The following CHCHD4 variants were observed in gnomAD, a reference collection of about 807,000 sequenced individuals.
CHCHD4 encodes the protein mitochondrial intermembrane space import and assembly protein 40.
In CHCHD4, 7 loss-of-function variants were observed where a neutral mutation model predicts 12.4. The observed-to-expected ratio is 0.57, with a 90% CI of 0.32 to 1.06. The LOEUF is 1.06. Among genes scored for constraint, CHCHD4 ranks in the 50% least tolerant of loss-of-function variants. The probability of loss-of-function intolerance (pLI) is 0.04; values close to 1 mark genes in which losing one functional copy is unlikely to be tolerated. For missense variants in CHCHD4, 143 were observed against 175.1 expected (o/e 0.82, Z 1.03); for synonymous variants, 56 against 58.0 (o/e 0.97, Z 0.16).
intron 1 of CHCHD4, among the ~76,000 whole-genome samples, chr3:14,118,605 C>G (rs572294685): frequency 6.6e-5 from 10 of 152,352 alleles, no homozygotes; most frequent in African/African-American, 2.2e-4. Context: ...GCCAGGACCC[C>G]CAACCCACTG....
chr3:14,116,937 C>G (rs1694882750), intron 1 of CHCHD4, among the ~76,000 whole-genome samples: 1 of 152,224 alleles, frequency 6.6e-6, no homozygotes, highest in Admixed American at 6.5e-5. Flanking sequence ...GCCAGCACCC[C>G]CACTAGGCCT....
intron 1 of CHCHD4, among the ~76,000 whole-genome samples, chr3:14,122,880 C>T (rs1694951530): frequency 6.6e-6 from 1 of 152,116 alleles, no homozygotes; most frequent in African/African-American, 2.4e-5. Context: ...CAGGATATAC[C>T]AAACCAAGGG....
chr3:14,120,393 G>A (rs920691741), intron 1 of CHCHD4, among the ~76,000 whole-genome samples: 9 of 151,460 alleles, frequency 5.9e-5, no homozygotes, highest in Non-Finnish European at 1.3e-4. Context: ...CAGCCACGCT[G>A]GCCTCTGCTT....
chr3:14,117,936 A>G (rs1007219934), intron 1 of CHCHD4, among the ~76,000 whole-genome samples: 7 of 152,214 alleles, frequency 4.6e-5, no homozygotes, highest in African/African-American at 1.7e-4. Flanking sequence ...ATGACTGGGC[A>G]CTGCCTGAGA....
chr3:14,122,389 G>T (rs1276390350), intron 1 of CHCHD4, among the ~76,000 whole-genome samples: 5 of 152,238 alleles, frequency 3.3e-5, no homozygotes, highest in African/African-American at 4.8e-5. Context: ...GGCACATCAC[G>T]TGTGCTCTAT....
At position 14,124,691 on chromosome 3, in the gene CHCHD4, C is replaced by A; in HGVS notation, c.-15G>T. 6.5e-7 allele frequency: 1 copy of A among 1,528,288 alleles called. No homozygotes were observed. Among genetic ancestry groups the A allele is most frequent in the East Asian group, 2.6e-5 (1 of 37,812 alleles). 94.7% of individuals were successfully genotyped at this position (1,528,288 alleles called of 1,614,324 possible). ...CAATAGGACATGGCTGCAGCCCGTC[C>A]CTGAGACCTTGCAGAAGCGGCGGTG... On this transcript the variant is annotated 5_prime_UTR_variant, in exon 1 of 3. Coordinates refer to ENST00000396914, the MANE Select transcript of CHCHD4 (RefSeq NM_001098502.2).
intron 1 of CHCHD4, among the ~76,000 whole-genome samples, chr3:14,118,238 C>G (rs2124976716): frequency 6.6e-6 from 1 of 152,338 alleles, no homozygotes; most frequent in Middle Eastern, 3.4e-3. Flanking sequence ...GTGCATGGCT[C>G]TGAGTGAGTG....
At chr3:14,113,938 A>G (rs1013518353) in intron 2 of CHCHD4, among the ~76,000 whole-genome samples, 1 of 152,190 alleles carries the variant, frequency 6.6e-6, no homozygotes, top group African/African-American at 2.4e-5. Context: ...TTCACATCTA[A>G]ATAGTATTTC....
chr3:14,112,331 C>G lies in CHCHD4; in HGVS notation c.*556G>C, dbSNP rs968271345. The G allele has an allele frequency of 2.0e-5, 3 of 152,218 alleles. No homozygotes were observed. Among genetic ancestry groups the G allele is most frequent in the African/African-American group, 7.2e-5 (3 of 41,400 alleles). 9.4% of individuals were successfully genotyped at this position (152,218 alleles called of 1,614,324 possible). ...TCTTCATCATCCAAACACAGAAAAC[C>G]AGGAGCTCAACACCTACATGGAAAC... On this transcript the variant is annotated 3_prime_UTR_variant, in exon 3 of 3. Transcript: ENST00000396914.
chr3:14,122,101 G>C, intron 1 of CHCHD4: 2 of 1,569,950 alleles, frequency 1.3e-6, no homozygotes, highest in South Asian at 2.3e-5. Context: ...AGGGCAAAAG[G>C]AGGGTTTTAA....
At chr3:14,114,927 C>T (rs536054768) in intron 2 of CHCHD4, among the ~76,000 whole-genome samples, 1 of 152,342 alleles carries the variant, frequency 6.6e-6, no homozygotes, top group Admixed American at 6.5e-5. Flanking sequence ...GCCCAGGCCC[C>T]CAGTTTTCTC....
chr3:14,114,159 C>T (rs9836497), intron 2 of CHCHD4, among the ~76,000 whole-genome samples: 2,850 of 152,238 alleles, frequency 0.019, 100 homozygotes, highest in African/African-American at 0.065. Context: ...AAGTCCTAGG[C>T]GAAACCCCGC....
intron 1 of CHCHD4, among the ~76,000 whole-genome samples, chr3:14,123,716 G>T (rs1694966076): frequency 1.3e-5 from 2 of 152,156 alleles, no homozygotes; most frequent in South Asian, 4.1e-4. Flanking sequence ...AGTATTTGCC[G>T]TATCAATGAA....
intron 1 of CHCHD4, among the ~76,000 whole-genome samples, chr3:14,117,444 G>C (rs2731312): frequency 0.19 from 29,099 of 152,182 alleles, 3,857 homozygotes; most frequent in African/African-American, 0.38. Context: ...CAGCCCCCAT[G>C]GAGTACAACA....
intron 1 of CHCHD4, among the ~76,000 whole-genome samples, chr3:14,123,156 A>G (rs1694956962): frequency 6.6e-6 from 1 of 152,160 alleles, no homozygotes; most frequent in Admixed American, 6.5e-5. Flanking sequence ...CCGAACTAAG[A>G]GAGATCTTTG....
intron 1 of CHCHD4, among the ~76,000 whole-genome samples, chr3:14,124,336 A>G (rs1694976478): frequency 6.6e-6 from 1 of 152,086 alleles, no homozygotes; most frequent in Non-Finnish European, 1.5e-5. Flanking sequence ...CCCAGTTTCG[A>G]GCCACACGCA....
chr3:14,123,707 G>A (rs2731307), intron 1 of CHCHD4, among the ~76,000 whole-genome samples: 96,076 of 152,026 alleles, frequency 0.63, 31,727 homozygotes, highest in African/African-American at 0.84. Flanking sequence ...TGCTTCATGA[G>A]TATTTGCCGT....
At chr3:14,114,631 A>G (rs965537192) in intron 2 of CHCHD4, among the ~76,000 whole-genome samples, 2 of 152,220 alleles carry the variant, frequency 1.3e-5, no homozygotes, top group African/African-American at 2.4e-5. Flanking sequence ...TAAAAATTAC[A>G]ACCCAGTACA....
At position 14,124,807 on chromosome 3, in the gene CHCHD4, T is replaced by G; in HGVS notation, c.-131A>C. ...GCGCGGACCCGCCCCCTCCCAGGCCTGCCCGCCGCGCGCCTGCCTCGGCGC... is the reference window on the plus strand; with the variant it reads ...GCGCGGACCCGCCCCCTCCCAGGCCGGCCCGCCGCGCGCCTGCCTCGGCGC... On this transcript the variant is annotated 5_prime_UTR_variant, in exon 1 of 3. Transcript: ENST00000396914. The G allele has an allele frequency of 9.0e-7, 1 of 1,114,214 alleles. No individual in the cohort carries two copies. Among genetic ancestry groups the G allele is most frequent in the Non-Finnish European group, 1.2e-6 (1 of 803,528 alleles). 69.0% of individuals were successfully genotyped at this position (1,114,214 alleles called of 1,614,324 possible).
Sources: gnomAD v4.1 joint callset for allele counts (sites outside exome capture counted in the v4.1 genomes callset) on GRCh38, gnomAD v4.1.1 for gene constraint, MANE v1.5 for transcripts, NCBI Gene and HGNC (gene_info 2026-07-23, HGNC 2026-07-21) for gene names.